Variants in PIWIL2 observed in about 807,000 individuals in gnomAD.
PIWIL2 encodes piwi-like protein 2.
A neutral mutation model predicts 116.5 loss-of-function variants in PIWIL2; 81 were observed. The ratio of observed to expected loss-of-function variants is 0.70; its 90% CI spans 0.58 to 0.84. PIWIL2 has a LOEUF of 0.84. Ranked by LOEUF, PIWIL2 falls within the 40% of genes least tolerant of loss-of-function variation. The pLI is 0.00. For missense variants in PIWIL2, 1,272 were observed against 1,212.3 expected (o/e 1.05, Z -0.73); for synonymous variants, 489 against 429.5 (o/e 1.14, Z -1.71).
intron 20 of PIWIL2, among the ~76,000 whole-genome samples, chr8:22,319,023 A>T (rs1347035880): frequency 6.6e-6 from 1 of 152,182 alleles, no homozygotes; most frequent in African/African-American, 2.4e-5. Flanking sequence ...CTAACCATGG[A>T]GGATTGCTAT....
intron 10 of PIWIL2, among the ~76,000 whole-genome samples, chr8:22,295,754 G>A (rs1204290852): frequency 6.6e-6 from 1 of 152,172 alleles, no homozygotes. Context: ...GAGGTGAGAA[G>A]AGCTCGGTGT....
intron 6 of PIWIL2, among the ~76,000 whole-genome samples, chr8:22,286,001 G>T (rs117521055): frequency 1.2e-3 from 188 of 152,262 alleles, no homozygotes; most frequent in Middle Eastern, 3.4e-3. Flanking sequence ...AATTTGTGAA[G>T]GGCAGCTGCT....
intron 13 of PIWIL2, among the ~76,000 whole-genome samples, chr8:22,307,241 C>CA (rs1478376409): frequency 6.6e-6 from 1 of 151,716 alleles, no homozygotes; most frequent in African/African-American, 2.4e-5. Context: ...AGGCTGGTCT[C>CA]AAATTCCTGG....
chr8:22,336,137 A>G (rs1377404857), intron 20 of PIWIL2, among the ~76,000 whole-genome samples: 4 of 152,222 alleles, frequency 2.6e-5, no homozygotes, highest in Admixed American at 1.3e-4. Context: ...ACAACACTGT[A>G]GTCTGACTAT....
intron 6 of PIWIL2, among the ~76,000 whole-genome samples, chr8:22,285,299 C>T (rs1258379079): frequency 3.3e-5 from 5 of 152,120 alleles, no homozygotes; most frequent in Non-Finnish European, 1.5e-5. Context: ...TTTTAGATTC[C>T]ATATATGAGT....
intron 1 of PIWIL2, 115 bp downstream of exon 1, chr8:22,275,513 C>G (rs1830341453): frequency 6.6e-6 from 1 of 152,300 alleles, no homozygotes; most frequent in Non-Finnish European, 1.5e-5. Context: ...CCTCTCCCCT[C>G]CCACTTCGGG....
intron 20 of PIWIL2, among the ~76,000 whole-genome samples, chr8:22,330,782 G>T (rs940295474): frequency 1.3e-5 from 2 of 152,040 alleles, no homozygotes; most frequent in Non-Finnish European, 2.9e-5. Flanking sequence ...GACCACGTCT[G>T]GGCTTCCTCA....
Position 22,307,631 on chromosome 8 carries a change from G to A in PIWIL2, c.1546-302G>A, listed in dbSNP as rs554848132. 5.9e-5 allele frequency among the ~76,000 whole-genome samples: 9 copies of A among 151,726 alleles called. No individual in the cohort carries two copies. The South Asian group carries it at 1.5e-3, about 25-fold the overall frequency. ...CTGAGTAGCTAGGAGTACAGGGCAC[G>A]CACCACCATACCTGGCTAATTTTTA... On this transcript the variant is annotated intron_variant, in intron 13 of 22. Transcript: ENST00000356766.
chr8:22,318,965 T>G (rs745543073), intron 20 of PIWIL2, among the ~76,000 whole-genome samples: 4 of 152,150 alleles, frequency 2.6e-5, no homozygotes, highest in Non-Finnish European at 4.4e-5. Flanking sequence ...TCATTTTGGT[T>G]CAAGACAAAT....
At chr8:22,332,817 A>C (rs1276056437) in intron 20 of PIWIL2, among the ~76,000 whole-genome samples, 2 of 152,152 alleles carry the variant, frequency 1.3e-5, no homozygotes, top group Non-Finnish European at 2.9e-5. Context: ...CAGCTGACTT[A>C]CACTGAAGGA....
intron 10 of PIWIL2, among the ~76,000 whole-genome samples, chr8:22,302,422 G>A (rs1007538118): frequency 1.9e-4 from 29 of 151,902 alleles, no homozygotes; most frequent in African/African-American, 6.5e-4. Context: ...ATCATGATCC[G>A]CCCACCTCGG....
At chr8:22,330,697 A>AAATAAAT (rs1554504110) in intron 20 of PIWIL2, among the ~76,000 whole-genome samples, 1 of 137,132 alleles carries the variant, frequency 7.3e-6, no homozygotes, top group African/African-American at 2.6e-5. Context: ...ACTCTGTCTC[A>AAATAAAT]AAATAAATAA....
At chr8:22,353,475 C>T (rs1020801205) in intron 21 of PIWIL2, among the ~76,000 whole-genome samples, 2 of 152,004 alleles carry the variant, frequency 1.3e-5, no homozygotes, top group African/African-American at 4.8e-5. Flanking sequence ...ATGGTGAAAC[C>T]CTGTCTACTG....
intron 20 of PIWIL2, among the ~76,000 whole-genome samples, chr8:22,326,790 C>T (rs1049902664): frequency 6.6e-6 from 1 of 152,062 alleles, no homozygotes; most frequent in African/African-American, 2.4e-5. Flanking sequence ...GTGAATAATG[C>T]TGCTGTAAAC....
intron 20 of PIWIL2, among the ~76,000 whole-genome samples, chr8:22,326,076 G>T (rs1206822335): frequency 1.3e-5 from 2 of 152,132 alleles, no homozygotes; most frequent in South Asian, 4.1e-4. Flanking sequence ...TAGTTCTCCA[G>T]TGTCTACTCA....
intron 10 of PIWIL2, 30 bp from the exon 11 acceptor site, chr8:22,303,991 G>C (rs1831114064): frequency 6.7e-7 from 1 of 1,502,278 alleles, no homozygotes; most frequent in African/African-American, 1.4e-5. Flanking sequence ...TATATACTGT[G>C]ATCCAAAAGT....
chr8:22,348,851 A>C (rs1046856962), intron 20 of PIWIL2, among the ~76,000 whole-genome samples: 1 of 152,174 alleles, frequency 6.6e-6, no homozygotes, highest in Admixed American at 6.5e-5. Flanking sequence ...AAATGAAGAA[A>C]ATAGACTAGA....
chr8:22,304,265 T>A, intron 11 of PIWIL2, 56 bp downstream of exon 11: 1 of 1,138,750 alleles, frequency 8.8e-7, no homozygotes, highest in Non-Finnish European at 1.3e-6. Context: ...GTAGTCCACG[T>A]TCTCCAGCAG....
chr8:22,350,892 G>A (rs1196352504), intron 20 of PIWIL2, among the ~76,000 whole-genome samples: 1 of 152,096 alleles, frequency 6.6e-6, no homozygotes, highest in Non-Finnish European at 1.5e-5. Context: ...TGTAGTCCCA[G>A]TACTTTGGGA....
Sources: gnomAD v4.1 joint callset for allele counts (sites outside exome capture counted in the v4.1 genomes callset) on GRCh38, gnomAD v4.1.1 for gene constraint, MANE v1.5 for transcripts, NCBI Gene and HGNC (gene_info 2026-07-23, HGNC 2026-07-21) for gene names.